Variants in ACKR5 observed in about 807,000 individuals in gnomAD.
ACKR5 encodes atypical chemokine receptor 5, also known as G protein-coupled receptor 182.
chr12:56,994,618 C>G, the ACKR5 span: 1 of 155,256 alleles, frequency 6.4e-6, no homozygotes, highest in Admixed American at 6.3e-5. Flanking sequence ...GCCCTCCCTC[C>G]AGGACCGAGG....
At chr12:56,996,419 A>G in the ACKR5 span, 1 of 1,574,914 alleles carries the variant, frequency 6.3e-7, no homozygotes, top group Non-Finnish European at 8.6e-7. Flanking sequence ...TCTTACACCC[A>G]GCTGAGGTAG....
At chr12:56,995,380 T>C in the ACKR5 span, 2 of 1,614,232 alleles carry the variant, frequency 1.2e-6, no homozygotes, top group East Asian at 4.5e-5. This position sits in a 1 kb window ranked among gnomAD's most constrained non-coding sequence, Gnocchi z 4.7. Context: ...TGGTCCTCTT[T>C]GCCCTCTACC....
chr12:56,997,107 C>T, the ACKR5 span: 1 of 152,394 alleles, frequency 6.6e-6, no homozygotes, highest in African/African-American at 2.4e-5. Context: ...ACACCCTCCC[C>T]TCCCCGTTGT....
the ACKR5 span, chr12:56,997,780 A>G: frequency 2.0e-5 from 3 of 152,234 alleles, no homozygotes; most frequent in South Asian, 6.2e-4. Context: ...AACTTGGAGT[A>G]ACTACTCACT....
the ACKR5 span, chr12:56,996,646 C>A: frequency 2.1e-6 from 1 of 484,034 alleles, no homozygotes; most frequent in East Asian, 3.3e-5. Flanking sequence ...AGGAGCAATG[C>A]AGAAAAAAAG....
chr12:56,995,097 C>T, the ACKR5 span: 233 of 910,816 alleles, frequency 2.6e-4, no homozygotes, highest in African/African-American at 3.3e-3. The surrounding 1 kb of genome is among the most constrained non-coding windows in gnomAD (Gnocchi z 4.7). Flanking sequence ...GCCCCAGAAT[C>T]TTTCCCCAAA....
the ACKR5 span, chr12:56,995,153 G>A: frequency 9.8e-6 from 15 of 1,526,770 alleles, no homozygotes; most frequent in East Asian, 1.1e-4. The surrounding 1 kb of genome is among the most constrained non-coding windows in gnomAD (Gnocchi z 4.7). Flanking sequence ...CAAGGCTCTC[G>A]AGGTCTGCTT....
chr12:56,996,580 G>C, the ACKR5 span: 1 of 645,536 alleles, frequency 1.5e-6, no homozygotes, highest in African/African-American at 1.8e-5. Flanking sequence ...ACAGGATCAG[G>C]AGCGATAGAG....
the ACKR5 span, chr12:56,996,282 A>G: frequency 3.1e-6 from 5 of 1,614,174 alleles, no homozygotes; most frequent in South Asian, 4.4e-5. Context: ...TGTTCCACCC[A>G]GCATTCCATC....
chr12:56,995,666 G>A, the ACKR5 span: 3 of 1,613,952 alleles, frequency 1.9e-6, no homozygotes, highest in South Asian at 3.3e-5. This position sits in a 1 kb window ranked among gnomAD's most constrained non-coding sequence, Gnocchi z 4.7. Flanking sequence ...CGACCGCTAT[G>A]TCACCCTCAC....
At chr12:56,996,493 G>C in the ACKR5 span, 1 of 1,389,316 alleles carries the variant, frequency 7.2e-7, no homozygotes, top group Non-Finnish European at 9.8e-7. Flanking sequence ...GAGATTTGGG[G>C]GGATGTAGAG....
At chr12:56,994,564 G>A in the ACKR5 span, 1 of 153,304 alleles carries the variant, frequency 6.5e-6, no homozygotes, top group East Asian at 1.9e-4. Flanking sequence ...CACAGCCAAG[G>A]GCCCCCCAGC....
At chr12:56,997,171 A>G in the ACKR5 span, 2 of 152,210 alleles carry the variant, frequency 1.3e-5, no homozygotes, top group African/African-American at 2.4e-5. Flanking sequence ...TCAGCTCCTC[A>G]TAGCTGACCT....
chr12:56,996,610 A>G, the ACKR5 span: 6 of 568,180 alleles, frequency 1.1e-5, no homozygotes, highest in African/African-American at 1.9e-5. Flanking sequence ...TCAGTGTTGT[A>G]CTATTTGTCT....
chr12:56,995,826 C>T, the ACKR5 span: 15 of 1,613,980 alleles, frequency 9.3e-6, no homozygotes, highest in Non-Finnish European at 1.3e-5. This position sits in a 1 kb window ranked among gnomAD's most constrained non-coding sequence, Gnocchi z 4.7. Context: ...CTCTTCATGG[C>T]ACCTTTTGAA....
chr12:56,995,552 C>A, the ACKR5 span: 2 of 1,613,914 alleles, frequency 1.2e-6, no homozygotes, highest in African/African-American at 2.7e-5. This position sits in a 1 kb window ranked among gnomAD's most constrained non-coding sequence, Gnocchi z 4.7. Flanking sequence ...GGAGGTCACG[C>A]TGGACTACAC....
At chr12:56,995,365 G>A in the ACKR5 span, 3 of 1,614,242 alleles carry the variant, frequency 1.9e-6, no homozygotes, top group Non-Finnish European at 1.7e-6. This position sits in a 1 kb window ranked among gnomAD's most constrained non-coding sequence, Gnocchi z 4.7. Context: ...AGAGCACCAA[G>A]CGCGTGGTCC....
chr12:56,996,337 C>T, the ACKR5 span: 1 of 1,614,028 alleles, frequency 6.2e-7, no homozygotes, highest in Non-Finnish European at 8.5e-7. Flanking sequence ...CAGCCCCCCA[C>T]CCTGAGCCAA....
At chr12:56,997,135 C>G in the ACKR5 span, 1 of 152,322 alleles carries the variant, frequency 6.6e-6, no homozygotes, top group African/African-American at 2.4e-5. Flanking sequence ...GCTCCCTCCC[C>G]ACAAGCAAGA....
Sources: gnomAD v4.1 joint callset for allele counts on GRCh38, gnomAD v4.1.1 for gene constraint, Gnocchi (gnomAD v3.1) non-coding constraint, MANE v1.5 for transcripts, NCBI Gene and HGNC (gene_info 2026-07-23, HGNC 2026-07-21) for gene names.